The following ZC3H12B variants were observed in gnomAD, a reference collection of about 807,000 sequenced individuals.
ZC3H12B encodes the protein zinc finger CCCH-type containing 12B.
In ZC3H12B, 7 loss-of-function variants were observed where a neutral mutation model predicts 43.9. The observed-to-expected ratio is 0.16, with a 90% confidence interval of 0.09 to 0.30. The LOEUF (loss-of-function observed/expected upper bound fraction) is 0.30. Among genes scored for constraint, ZC3H12B ranks in the 10% least tolerant of loss-of-function variants. The pLI is 1.00. For missense variants in ZC3H12B, 475 were observed against 670.2 expected, an observed-to-expected ratio of 0.71 and a Z score of 3.22; for synonymous variants, 222 against 241.7, an observed-to-expected ratio of 0.92 and a Z score of 0.76.
chrX:65,287,452 T>C, the ZC3H12B span, among the ~76,000 whole-genome samples: 1 of 110,943 alleles, frequency 9.0e-6, no homozygotes, highest in Non-Finnish European at 1.9e-5. Flanking sequence ...GAAATGAAGA[T>C]AGAAATTAAG....
chrX:65,236,558 C>G, the ZC3H12B span, among the ~76,000 whole-genome samples: 3 of 111,738 alleles, frequency 2.7e-5, no homozygotes, highest in Non-Finnish European at 5.6e-5. Context: ...TTAACTAGGT[C>G]CCATTTGTCA....
rs184807747 is a variant in ZC3H12B at position 65,454,485 on chromosome X, C to T, written n.408-34161C>T. On this transcript the variant is annotated intron_variant and non_coding_transcript_variant, in intron 3 of 5. Coordinates refer to the ZC3H12B transcript ENST00000617377. The stretch of plus-strand genomic sequence containing the variant: ...GTAGGTAAACAAAGCAGCTGGGAAG[C>T]GTGAACTGGGTGGAGCCCACCACAG... Among the ~76,000 whole-genome samples the T allele has an allele frequency of 3.6e-3, 399 of 112,158 alleles. 9 individuals carry two copies. Among genetic ancestry groups the T allele is most frequent in the Admixed American group, 0.027 (284 of 10,618 alleles).
At chrX:65,454,579 C>T (rs1465410304) in intron 3 of ZC3H12B, among the ~76,000 whole-genome samples, 1 of 112,196 alleles carries the variant, frequency 8.9e-6, no homozygotes, top group Non-Finnish European at 1.9e-5. Flanking sequence ...TAAAAGGCAG[C>T]AGAAACCTCT....
chrX:65,277,182 A>G, the ZC3H12B span, among the ~76,000 whole-genome samples: 25 of 112,120 alleles, frequency 2.2e-4, no homozygotes, highest in Admixed American at 7.6e-4. Flanking sequence ...TTGTAAATAT[A>G]TGTGTATCAA....
At chrX:65,121,229 C>G in the ZC3H12B span, among the ~76,000 whole-genome samples, 1 of 111,437 alleles carries the variant, frequency 9.0e-6, no homozygotes, top group Admixed American at 9.5e-5. Context: ...GGAATGGTAC[C>G]AGCTCCTCCT....
the ZC3H12B span, among the ~76,000 whole-genome samples, chrX:65,088,576 C>T: frequency 4.5e-5 from 5 of 111,950 alleles, no homozygotes; most frequent in South Asian, 1.9e-3. Flanking sequence ...TCTGCTTAAT[C>T]TTTTCTATTA....
chrX:65,310,807 C>G, the ZC3H12B span, among the ~76,000 whole-genome samples: 1 of 111,355 alleles, frequency 9.0e-6, no homozygotes, highest in Non-Finnish European at 1.9e-5. Context: ...ATATATAGAC[C>G]AATGGAACAG....
chrX:65,351,981 G>T, the ZC3H12B span, among the ~76,000 whole-genome samples: 1 of 112,287 alleles, frequency 8.9e-6, no homozygotes, highest in Admixed American at 9.4e-5. Flanking sequence ...ATACCCAAAT[G>T]ATTATAAATT....
chrX:65,089,379 A>G, the ZC3H12B span, among the ~76,000 whole-genome samples: 3 of 111,856 alleles, frequency 2.7e-5, no homozygotes, highest in Non-Finnish European at 5.6e-5. Flanking sequence ...AAACATAGAA[A>G]AGGGACAATA....
At chrX:65,109,727 C>T in the ZC3H12B span, among the ~76,000 whole-genome samples, 1 of 111,530 alleles carries the variant, frequency 9.0e-6, no homozygotes, top group South Asian at 3.7e-4. Context: ...AGTGGAATTG[C>T]CGGGTCATGT....
intron 3 of ZC3H12B, among the ~76,000 whole-genome samples, chrX:65,446,892 G>A (rs1489291256): frequency 9.8e-5 from 11 of 111,973 alleles, no homozygotes; most frequent in African/African-American, 3.6e-4. Flanking sequence ...GTGTTGCTGT[G>A]TTGTGGAGAC....
the ZC3H12B span, among the ~76,000 whole-genome samples, chrX:65,193,445 C>G: frequency 3.6e-5 from 4 of 111,674 alleles, no homozygotes; most frequent in Admixed American, 2.9e-4. Context: ...ATTGTAGCCT[C>G]TAATAATCCT....
chrX:65,297,598 A>G, the ZC3H12B span, among the ~76,000 whole-genome samples: 1 of 111,294 alleles, frequency 9.0e-6, no homozygotes, highest in Non-Finnish European at 1.9e-5. Context: ...ACTTAATGCA[A>G]TTCTCATCAA....
At chrX:65,166,607 G>A in the ZC3H12B span, among the ~76,000 whole-genome samples, 130 of 111,796 alleles carry the variant, frequency 1.2e-3, 1 homozygote, top group Non-Finnish European at 1.4e-3. Context: ...CTAGATCCTT[G>A]ACGAATCACC....
chrX:65,327,079 G>C, the ZC3H12B span, among the ~76,000 whole-genome samples: 10 of 111,039 alleles, frequency 9.0e-5, no homozygotes, highest in African/African-American at 2.9e-4. Context: ...TCCTCAAGAA[G>C]CTAAAAATAA....
At chrX:65,275,294 C>T in the ZC3H12B span, among the ~76,000 whole-genome samples, 1 of 112,741 alleles carries the variant, frequency 8.9e-6, no homozygotes, top group Admixed American at 9.3e-5. Flanking sequence ...GGCCTATAAG[C>T]CCCCAGGCCA....
intron 3 of ZC3H12B, among the ~76,000 whole-genome samples, chrX:65,430,494 TC>T (rs1432094525): frequency 2.4e-5 from 1 of 42,506 alleles, no homozygotes; most frequent in South Asian, 3.1e-3. Context: ...CCCTCCCCCC[TC>T]CCCCCACCCC....
rs762648515 is a variant in ZC3H12B, at chrX:65,423,383, G to A, written n.407+24679G>A. Reference sequence around the variant, plus strand: ...TCCTTTGGGTATATACCCAGTAATGGGATTGCTGGATCAAATGGTATTTCT... The same window carrying A: ...TCCTTTGGGTATATACCCAGTAATGAGATTGCTGGATCAAATGGTATTTCT... On this transcript the variant is annotated intron_variant and non_coding_transcript_variant, in intron 3 of 5. Coordinates refer to the ZC3H12B transcript ENST00000617377. 3.9e-4 allele frequency among the ~76,000 whole-genome samples: 44 copies of A among 112,094 alleles called. 1 individual carries two copies. Among genetic ancestry groups the A allele is most frequent in the Non-Finnish European group, 7.7e-4 (41 of 53,201 alleles).
the ZC3H12B span, among the ~76,000 whole-genome samples, chrX:65,156,027 C>T: frequency 9.1e-6 from 1 of 109,999 alleles, no homozygotes; most frequent in Non-Finnish European, 1.9e-5. Flanking sequence ...AATAATTAGT[C>T]AAGGTTTTAA....
Sources: allele counts gnomAD v4.1 joint callset (sites outside exome capture counted in the v4.1 genomes callset), GRCh38; gene constraint gnomAD v4.1.1; transcripts MANE v1.5; gene names NCBI Gene and HGNC (gene_info 2026-07-23, HGNC 2026-07-21).